CACNA1C: variants seen among roughly 807,000 people sequenced by gnomAD.
CACNA1C encodes the protein voltage-dependent L-type calcium channel subunit alpha-1C.
CACNA1C carries 30 observed loss-of-function variants against 229.0 expected under a neutral mutation model. The ratio of observed to expected loss-of-function variants is 0.13; its 90% CI spans 0.10 to 0.18. CACNA1C has a LOEUF of 0.18. CACNA1C is among the 10% of genes least tolerant of loss of function. CACNA1C has a pLI of 1.00. For missense variants in CACNA1C, 1,658 were observed against 2,845.0 expected (o/e 0.58, Z 9.49); for synonymous variants, 1,114 against 1,132.5 (o/e 0.98, Z 0.33).
At position 2,164,086 on chromosome 12, in the gene CACNA1C, T is replaced by C. The variant is rs142256134; in HGVS notation, c.477+43656T>C. Among the ~76,000 whole-genome samples the C allele has an allele frequency of 3.3e-3, 510 of 152,352 alleles. 1 individual carries two copies. The highest frequency in any genetic ancestry group is 6.8e-3 in the Middle Eastern group (2 of 294). ...CCTCCTCTATCTAAACCCTCCTTGC[T>C]GCAAGACCCTGCTCCTTTCACGGAG... On this transcript the variant is annotated intron_variant, in intron 3 of 46. Coordinates refer to ENST00000399655, the MANE Select transcript of CACNA1C (RefSeq NM_000719.7).
intron 13 of CACNA1C, among the ~76,000 whole-genome samples, chr12:2,572,993 T>TCTCCTCCTTCTTCTCCTCCTC (rs2056968478): frequency 1.5e-5 from 2 of 135,460 alleles, no homozygotes; most frequent in Non-Finnish European, 3.2e-5. Flanking sequence ...TCCTCTTCCT[T>TCTCCTCCTTCTTCTCCTCCTC]CTCCTCCTTC....
In CACNA1C at chr12:1,971,223, TAA is replaced by T; in HGVS notation, c.139+24_139+25del. ...GGAGGTAAGAAACCCTAAAGTGAAA[TAA>T]AGAGTAGGAAGAACATGTTGAAATT... On this transcript the variant is annotated intron_variant, in intron 1 of 46. Transcript: ENST00000682462. The surrounding 1 kb of genome is among the most constrained non-coding windows in gnomAD (Gnocchi z 4.2). The T allele has an allele frequency of 7.9e-7, 1 of 1,258,822 alleles. No individual in the cohort carries two copies. Among genetic ancestry groups the T allele is most frequent in the Non-Finnish European group, 1.0e-6 (1 of 961,742 alleles). The allele number at this position is 1,258,822 out of a possible 1,614,324, so 78.0% of individuals were successfully genotyped here.
chr12:2,164,120 C>T (rs2096077591), intron 3 of CACNA1C, among the ~76,000 whole-genome samples: 1 of 152,184 alleles, frequency 6.6e-6, no homozygotes, highest in Non-Finnish European at 1.5e-5. Flanking sequence ...AGTCTCCATT[C>T]CCAGAATGTA....
At position 2,589,809 on chromosome 12, in the gene CACNA1C, C is replaced by T. The variant is rs111462006; in HGVS notation, c.2531-3404C>T. 9.4e-3 allele frequency among the ~76,000 whole-genome samples: 1,426 copies of T among 152,156 alleles called. 45 individuals are homozygous for T. The highest frequency in any genetic ancestry group is 0.032 in the African/African-American group (1,319 of 41,508). On this transcript the variant is annotated intron_variant, in intron 18 of 46. Transcript: ENST00000399655. ...TGGCAGCTTGGACAGGGGATGGTGC[C>T]GGAGATGCAGAGAAGTGGTCAGGCT... is the stretch of plus-strand genomic sequence containing the variant.
At chr12:2,333,202 C>G (rs990102424) in intron 3 of CACNA1C, among the ~76,000 whole-genome samples, 1 of 122,408 alleles carries the variant, frequency 8.2e-6, no homozygotes, top group African/African-American at 3.2e-5. Flanking sequence ...TCATTTAATC[C>G]CCCTAGTGGA....
chr12:2,043,234 G>C (rs79776888), intron 1 of CACNA1C, among the ~76,000 whole-genome samples: 7,685 of 152,232 alleles, frequency 0.05, 267 homozygotes, highest in Middle Eastern at 0.078. Flanking sequence ...ACCACACATG[G>C]TTCACACACA....
chr12:2,289,194 A>AG (rs2093150979), intron 3 of CACNA1C, among the ~76,000 whole-genome samples: 1 of 152,152 alleles, frequency 6.6e-6, no homozygotes, highest in Non-Finnish European at 1.5e-5. Flanking sequence ...GACAGTACAG[A>AG]GGGAGGGTAT....
chr12:2,172,849 G>A (rs2096537142), intron 3 of CACNA1C, among the ~76,000 whole-genome samples: 1 of 152,246 alleles, frequency 6.6e-6, no homozygotes. Flanking sequence ...GTGGAGAACG[G>A]ATATAGGGTG....
rs114209847 is a variant in CACNA1C, at chr12:2,062,065, T to G, written c.49+8454T>G. ...CATCAAAAAGTATGCTGGGAAACTT[T>G]CGCACTTTCGCATTTGTTTGCACCT... On this transcript the variant is annotated intron_variant, in intron 1 of 46. Transcript: ENST00000399655. Among the ~76,000 whole-genome samples, 825 of 152,314 alleles carry G rather than the reference T, an allele frequency of 5.4e-3. 9 individuals carry two copies. The highest frequency in any genetic ancestry group is 0.018 in the African/African-American group (761 of 41,552).
chr12:2,221,705 C>G (rs1451055403), intron 3 of CACNA1C: 1 of 152,172 alleles, frequency 6.6e-6, no homozygotes, highest in Admixed American at 6.5e-5. Flanking sequence ...CCTACAGAAA[C>G]AGTCAGAAAT....
chr12:2,318,508 C>T (rs1257400263), intron 3 of CACNA1C, among the ~76,000 whole-genome samples: 1 of 152,258 alleles, frequency 6.6e-6, no homozygotes, highest in Non-Finnish European at 1.5e-5. Context: ...AGAGCTGTCT[C>T]TGGGCCTGGT....
intron 3 of CACNA1C, among the ~76,000 whole-genome samples, chr12:2,435,861 C>A (rs1353231822): frequency 2.0e-5 from 3 of 152,218 alleles, no homozygotes; most frequent in Non-Finnish European, 4.4e-5. Context: ...AATGGGACAG[C>A]CTGGAAAGCA....
At chr12:2,171,462 T>C (rs1373536907) in intron 3 of CACNA1C, among the ~76,000 whole-genome samples, 1 of 152,046 alleles carries the variant, frequency 6.6e-6, no homozygotes, top group Non-Finnish European at 1.5e-5. Context: ...GAGTCCATGG[T>C]GGAAAAGCTC....
intron 3 of CACNA1C, among the ~76,000 whole-genome samples, chr12:2,271,837 A>C (rs924938108): frequency 6.6e-6 from 1 of 152,130 alleles, no homozygotes; most frequent in African/African-American, 2.4e-5. Context: ...TTGAGGCTGC[A>C]GTGAGCTGTG....
intron 3 of CACNA1C, among the ~76,000 whole-genome samples, chr12:2,201,243 G>A (rs546171701): frequency 1.3e-5 from 2 of 152,292 alleles, no homozygotes; most frequent in South Asian, 4.1e-4. Context: ...CAGAGAAGGT[G>A]GGGGACCTTC....
Position 2,416,215 on chromosome 12 carries a change from A to AT in CACNA1C, c.478-32761_478-32760insT, listed in dbSNP as rs1299101515. 1.9e-4 allele frequency among the ~76,000 whole-genome samples: 29 copies of AT among 150,872 alleles called. 1 individual carries two copies. Among genetic ancestry groups the AT allele is most frequent in the African/African-American group, 7.2e-4 (29 of 40,500 alleles). ...TTTACCGTCCTTCCCACCTGCGTGC[A>AT]CCTCCGTGACAGCACCCTTCCTTTA... On this transcript the variant is annotated intron_variant, in intron 3 of 46. Transcript: ENST00000399655.
chr12:2,240,901 C>G (rs1350690806), intron 3 of CACNA1C, among the ~76,000 whole-genome samples: 3 of 152,102 alleles, frequency 2.0e-5, no homozygotes, highest in Non-Finnish European at 2.9e-5. Flanking sequence ...CTCTCTACAC[C>G]GTCTCAGTGG....
rs751731051 is a variant in CACNA1C, at chr12:2,467,861, G to C, written c.757+10155G>C. On this transcript the variant is annotated intron_variant, in intron 5 of 46. Coordinates refer to ENST00000399655, the MANE Select transcript of CACNA1C (RefSeq NM_000719.7). This position sits in a 1 kb window ranked among gnomAD's most constrained non-coding sequence, Gnocchi z 4.6. ...AAGGCCCACTCAGAGTCCCGACCCT[G>C]CTGCGACTTCTCTGTTGCCCTGCCA... Among the ~76,000 whole-genome samples, 1 of 152,220 alleles carries C rather than the reference G, an allele frequency of 6.6e-6. No individual in the cohort carries two copies. The highest frequency in any genetic ancestry group is 1.5e-5 in the Non-Finnish European group (1 of 68,038).
chr12:2,245,090 A>C (rs2072491179), intron 3 of CACNA1C, among the ~76,000 whole-genome samples: 1 of 152,220 alleles, frequency 6.6e-6, no homozygotes, highest in Non-Finnish European at 1.5e-5. Flanking sequence ...AAAGAGGAGC[A>C]GGCAAGACAG....
Sources: allele counts gnomAD v4.1 joint callset (sites outside exome capture counted in the v4.1 genomes callset), GRCh38; gene constraint gnomAD v4.1.1; non-coding constraint Gnocchi (gnomAD v3.1); transcripts MANE v1.5; gene names NCBI Gene and HGNC (gene_info 2026-07-23, HGNC 2026-07-21).